SDK2: variants seen among roughly 807,000 people sequenced by gnomAD.
SDK2 encodes the protein sidekick cell adhesion molecule 2.
A neutral mutation model predicts 253.9 loss-of-function variants in SDK2; 105 were observed. That is an observed-to-expected ratio of 0.41 (90% CI 0.35 to 0.49). The LOEUF is 0.49. SDK2 is among the 20% of genes least tolerant of loss of function. The probability of loss-of-function intolerance (pLI) is 0.06; values close to 1 mark genes in which losing one functional copy is unlikely to be tolerated. For synonymous variants in SDK2, 1,249 were observed against 1,234.9 expected (o/e 1.01, Z -0.24); for missense variants, 2,608 against 3,003.0 (o/e 0.87, Z 3.07).
intron 9 of SDK2, among the ~76,000 whole-genome samples, chr17:73,434,325 C>T (rs1374226757): frequency 6.6e-6 from 1 of 152,254 alleles, no homozygotes; most frequent in East Asian, 1.9e-4. Context: ...GTTGGGGCAG[C>T]CTCCTGGCTT....
chr17:73,429,258 A>G (rs967621392), intron 12 of SDK2, among the ~76,000 whole-genome samples: 2 of 152,182 alleles, frequency 1.3e-5, no homozygotes, highest in African/African-American at 4.8e-5. Context: ...CCTTTTTTAC[A>G]GTTGGTATGT....
intron 36 of SDK2, 47 bp from the exon 37 acceptor site, chr17:73,368,640 G>C: frequency 6.9e-7 from 1 of 1,440,180 alleles, no homozygotes; most frequent in Non-Finnish European, 9.3e-7. Context: ...GGGGCAATGA[G>C]AGTCCCTCCT....
chr17:73,385,806 G>C (rs374937614), intron 32 of SDK2, 41 bp downstream of exon 32: 22 of 1,544,056 alleles, frequency 1.4e-5, no homozygotes, highest in Non-Finnish European at 1.7e-5. Context: ...AGCAGAGCTC[G>C]TCTGGGTCTT....
Position 73,435,714 on chromosome 17 carries a change from G to T in SDK2, c.1001-70C>A. ...CTCTCCGCCTAGGAGGGGTGCTTGG[G>T]AGGAGGCCGGGCCCGGAAATCTGCG... On this transcript the variant is annotated intron_variant, in intron 8 of 44. Transcript: ENST00000392650. The surrounding 1 kb of genome is among the most constrained non-coding windows in gnomAD (Gnocchi z 5.7). 7.1e-7 allele frequency: 1 copy of T among 1,407,534 alleles called. No individual in the cohort carries two copies. Among genetic ancestry groups the T allele is most frequent in the African/African-American group, 1.4e-5 (1 of 70,278 alleles). 87.2% of individuals were successfully genotyped at this position (1,407,534 alleles called of 1,614,324 possible).
intron 1 of SDK2, among the ~76,000 whole-genome samples, chr17:73,633,465 A>G (rs1165163666): frequency 6.6e-6 from 1 of 152,042 alleles, no homozygotes; most frequent in Non-Finnish European, 1.5e-5. Context: ...TTTTTTCCCA[A>G]TGAGGACACT....
In SDK2 at chr17:73,358,320, G is replaced by T; in HGVS notation, c.5468-116C>A. 7 of 1,326,330 alleles carry T rather than the reference G, an allele frequency of 5.3e-6. No individual in the cohort carries two copies. The South Asian group carries it at 1.1e-4, about 20-fold the overall frequency. 82.2% of individuals were successfully genotyped at this position (1,326,330 alleles called of 1,614,324 possible). The stretch of plus-strand genomic sequence containing the variant: ...CAAAACCAACCCTGGACAGAGAGCC[G>T]CCAGGAAGCCCTGCAAATGTCGCGG... On this transcript the variant is annotated intron_variant, in intron 39 of 44. Coordinates refer to ENST00000392650, the MANE Select transcript of SDK2 (RefSeq NM_001144952.2).
chr17:73,398,215 T>C (rs1191904823), intron 23 of SDK2, 30 bp from the exon 24 acceptor site: 4 of 1,602,328 alleles, frequency 2.5e-6, no homozygotes, highest in African/African-American at 1.3e-5. Flanking sequence ...AGCAAGATGG[T>C]AAGGGCAGCT....
In SDK2 at chr17:73,401,016, T is replaced by G. The variant is rs1221117580; in HGVS notation, c.2971+4A>C. The G allele has an allele frequency of 2.6e-6, 4 of 1,567,226 alleles. No homozygotes were observed. In the East Asian group the frequency reaches 9.4e-5, roughly 37 times the overall value. ...AGAGTCCTGCCTTGAGAGTGGGCAC[T>G]TACCTGGGGGCACCCCAGAGGAGAT... is the stretch of plus-strand genomic sequence containing the variant. On this transcript the variant is annotated splice_donor_region_variant and intron_variant, in intron 21 of 44. Coordinates refer to ENST00000392650, the MANE Select transcript of SDK2 (RefSeq NM_001144952.2).
chr17:73,638,430 G>A (rs2046358849), intron 1 of SDK2, among the ~76,000 whole-genome samples: 1 of 152,180 alleles, frequency 6.6e-6, no homozygotes, highest in South Asian at 2.1e-4. Flanking sequence ...AAGATGCCAC[G>A]TTATAGGGTG....
intron 2 of SDK2, among the ~76,000 whole-genome samples, chr17:73,501,172 A>T (rs1258470214): frequency 6.6e-6 from 1 of 152,074 alleles, no homozygotes; most frequent in Non-Finnish European, 1.5e-5. Flanking sequence ...CAGGCTCGTG[A>T]CTAACTGTTA....
chr17:73,582,885 C>T (rs1046107527), intron 1 of SDK2, among the ~76,000 whole-genome samples: 2 of 152,176 alleles, frequency 1.3e-5, no homozygotes, highest in Admixed American at 6.5e-5. Flanking sequence ...AGCCTCCCTG[C>T]AACGCCCCTC....
chr17:73,506,816 C>T (rs138400366), intron 2 of SDK2, among the ~76,000 whole-genome samples: 4 of 152,256 alleles, frequency 2.6e-5, no homozygotes, highest in Non-Finnish European at 4.4e-5. Flanking sequence ...AGCAGATCCA[C>T]CCTTGCTGAG....
chr17:73,374,460 A>C (rs2062760700), intron 36 of SDK2, among the ~76,000 whole-genome samples: 2 of 135,274 alleles, frequency 1.5e-5, no homozygotes. Flanking sequence ...TCCATGTTCG[A>C]TTTGTCGGTA....
chr17:73,466,718 C>CCT (rs2063600938), intron 3 of SDK2, among the ~76,000 whole-genome samples: 2 of 141,182 alleles, frequency 1.4e-5, no homozygotes, highest in African/African-American at 5.7e-5. Context: ...GGGGAACGCC[C>CCT]CCCCCCCCCG....
At chr17:73,433,427 C>T (rs1301037818) in intron 10 of SDK2, among the ~76,000 whole-genome samples, 3 of 152,170 alleles carry the variant, frequency 2.0e-5, no homozygotes, top group Non-Finnish European at 4.4e-5. Flanking sequence ...GCTGGGATTA[C>T]AGGCAACTGC....
At chr17:73,550,533 G>A (rs965656824) in intron 1 of SDK2, among the ~76,000 whole-genome samples, 4 of 152,098 alleles carry the variant, frequency 2.6e-5, no homozygotes, top group African/African-American at 7.2e-5. Flanking sequence ...CAGGGTGGCG[G>A]TGGAAGGGCA....
chr17:73,354,668 C>T (rs2062569890), intron 40 of SDK2, among the ~76,000 whole-genome samples: 1 of 152,186 alleles, frequency 6.6e-6, no homozygotes, highest in Non-Finnish European at 1.5e-5. Context: ...CCAGGGAGGT[C>T]ACCCAGTGGC....
At chr17:73,561,698 C>T (rs144895272) in intron 1 of SDK2, among the ~76,000 whole-genome samples, 1 of 152,370 alleles carries the variant, frequency 6.6e-6, no homozygotes, top group Non-Finnish European at 1.5e-5. Flanking sequence ...ACTGTGCAGA[C>T]TCCTGTACGG....
Position 73,447,152 on chromosome 17 carries a change from G to C in SDK2, c.613+463C>G, listed in dbSNP as rs575294189. 6.6e-6 allele frequency among the ~76,000 whole-genome samples: 1 copy of C among 152,124 alleles called. No individual in the cohort carries two copies. The highest frequency in any genetic ancestry group is 2.4e-5 in the African/African-American group (1 of 41,414). ...GTCTTCCCATCAGCAGGGACCACCT[G>C]GCTCCCAATATAGACAGCACTTCTT... On this transcript the variant is annotated intron_variant, in intron 5 of 44. Transcript: ENST00000392650. This position sits in a 1 kb window ranked among gnomAD's most constrained non-coding sequence, Gnocchi z 4.0.
Sources: allele counts gnomAD v4.1 joint callset (sites outside exome capture counted in the v4.1 genomes callset), GRCh38; gene constraint gnomAD v4.1.1; non-coding constraint Gnocchi (gnomAD v3.1); transcripts MANE v1.5; gene names NCBI Gene and HGNC (gene_info 2026-07-23, HGNC 2026-07-21).